Variants in LRRC7 observed in about 807,000 individuals in gnomAD.
The protein encoded by LRRC7 is leucine rich repeat containing 7.
A neutral mutation model predicts 175.7 loss-of-function variants in LRRC7; 23 were observed. The observed-to-expected ratio is 0.13, with a 90% CI of 0.09 to 0.19. The LOEUF (loss-of-function observed/expected upper bound fraction) is 0.19. Ranked by LOEUF, LRRC7 falls within the 10% of genes least tolerant of loss-of-function variation. The pLI, the probability that LRRC7 is intolerant of heterozygous loss-of-function variation, is 1.00. For missense variants in LRRC7, 1,354 were observed against 1,904.7 expected (o/e 0.71, Z 5.38); for synonymous variants, 685 against 680.9 (o/e 1.01, Z -0.09).
At chr1:69,816,135 AC>A (rs1433001898) in intron 4 of LRRC7, among the ~76,000 whole-genome samples, 6 of 151,702 alleles carry the variant, frequency 4.0e-5, no homozygotes, top group Non-Finnish European at 5.9e-5. Context: ...CCGCCCTCAC[AC>A]CCAGCTCATT....
chr1:69,717,682 A>G (rs552119455), intron 2 of LRRC7, among the ~76,000 whole-genome samples: 5 of 150,986 alleles, frequency 3.3e-5, no homozygotes, highest in Non-Finnish European at 7.4e-5. Flanking sequence ...GTTTATAGAT[A>G]CCTTGATAAT....
chr1:69,885,612 T>C (rs1478192668), intron 7 of LRRC7, among the ~76,000 whole-genome samples: 4 of 131,840 alleles, frequency 3.0e-5, no homozygotes, highest in African/African-American at 9.4e-5. Flanking sequence ...GTGTCTCTAT[T>C]TCCTTCAGTT....
chr1:69,859,764 GA>G (rs1436047448), intron 7 of LRRC7, among the ~76,000 whole-genome samples: 7 of 151,958 alleles, frequency 4.6e-5, no homozygotes, highest in East Asian at 1.9e-4. Context: ...TCAAAATAGT[GA>G]AAAAAAGTTT....
chr1:69,777,295 A>G (rs1280027341), intron 3 of LRRC7, among the ~76,000 whole-genome samples: 1 of 152,124 alleles, frequency 6.6e-6, no homozygotes, highest in South Asian at 2.1e-4. Context: ...GAAGGGAGGG[A>G]TGACATTGTT....
At chr1:69,675,191 T>C (rs563512035) in intron 1 of LRRC7, among the ~76,000 whole-genome samples, 29 of 152,304 alleles carry the variant, frequency 1.9e-4, no homozygotes, top group African/African-American at 6.5e-4. Flanking sequence ...TATCTGCTCA[T>C]GAGTATTCCC....
chr1:69,633,375 A>G (rs1652812983), intron 1 of LRRC7, among the ~76,000 whole-genome samples: 1 of 151,934 alleles, frequency 6.6e-6, no homozygotes, highest in Admixed American at 6.6e-5. Flanking sequence ...TATCTGTCCA[A>G]TTTAAGGTGA....
At chr1:69,569,121 A>G (rs1570210803) in intron 1 of LRRC7, among the ~76,000 whole-genome samples, 1 of 152,002 alleles carries the variant, frequency 6.6e-6, no homozygotes, top group East Asian at 1.9e-4. Context: ...TTGTCTCTTT[A>G]TCTTGGAAGG....
intron 2 of LRRC7, among the ~76,000 whole-genome samples, chr1:69,718,094 G>A (rs1221083119): frequency 1.0e-3 from 81 of 77,504 alleles, no homozygotes; most frequent in African/African-American, 4.6e-3. Flanking sequence ...GAAAAAGAAA[G>A]AGAAGAAAGA....
chr1:70,068,944 T>A (rs900416423), intron 23 of LRRC7, among the ~76,000 whole-genome samples: 2 of 152,186 alleles, frequency 1.3e-5, no homozygotes, highest in Non-Finnish European at 2.9e-5. Context: ...AGAATTCTTA[T>A]TTAAATATTC....
At chr1:69,599,227 T>A (rs1384058626) in intron 1 of LRRC7, among the ~76,000 whole-genome samples, 1 of 152,194 alleles carries the variant, frequency 6.6e-6, no homozygotes, top group African/African-American at 2.4e-5. Context: ...GCCCATTTCT[T>A]TGTGGTACAT....
At chr1:69,911,762 G>T (rs1300979024) in intron 7 of LRRC7, among the ~76,000 whole-genome samples, 2 of 152,118 alleles carry the variant, frequency 1.3e-5, no homozygotes, top group African/African-American at 4.8e-5. Context: ...TGGCTACTTT[G>T]GCAGATTACT....
intron 3 of LRRC7, among the ~76,000 whole-genome samples, chr1:69,770,518 A>T (rs1391735716): frequency 2.0e-5 from 3 of 151,974 alleles, no homozygotes; most frequent in Non-Finnish European, 2.9e-5. Context: ...ATCATTGATT[A>T]TTTTTTTTCC....
chr1:69,980,835 T>G (rs1166538960), intron 9 of LRRC7, among the ~76,000 whole-genome samples: 1 of 152,170 alleles, frequency 6.6e-6, no homozygotes, highest in Non-Finnish European at 1.5e-5. Flanking sequence ...TAGACAATGG[T>G]TTTTATTCAT....
At chr1:69,910,256 G>A (rs1172309976) in intron 7 of LRRC7, among the ~76,000 whole-genome samples, 1 of 152,148 alleles carries the variant, frequency 6.6e-6, no homozygotes, top group African/African-American at 2.4e-5. Flanking sequence ...GAGGAGGAGA[G>A]GTGCTCTGCT....
At chr1:69,991,558 A>G (rs1301297690) in intron 10 of LRRC7, among the ~76,000 whole-genome samples, 3 of 152,124 alleles carry the variant, frequency 2.0e-5, no homozygotes, top group African/African-American at 7.2e-5. Flanking sequence ...GTCAAAATAA[A>G]TATCTGGAAT....
intron 18 of LRRC7, among the ~76,000 whole-genome samples, chr1:70,031,765 A>C (rs937158239): frequency 1.3e-5 from 2 of 151,638 alleles, no homozygotes; most frequent in Non-Finnish European, 2.9e-5. Flanking sequence ...AGCAACCACC[A>C]AAAACCCAGC....
intron 7 of LRRC7, among the ~76,000 whole-genome samples, chr1:69,849,859 C>A (rs1053032071): frequency 5.9e-5 from 9 of 152,058 alleles, no homozygotes; most frequent in African/African-American, 2.2e-4. Flanking sequence ...GATCATGTAC[C>A]TAATAGGTGT....
At chr1:70,064,639 T>TTTGTTGTTG (rs60880306) in intron 23 of LRRC7, among the ~76,000 whole-genome samples, 1,988 of 151,106 alleles carry the variant, frequency 0.013, 46 homozygotes, top group African/African-American at 0.043. Flanking sequence ...TGCTTGGTAT[T>TTTGTTGTTG]TTGTTGTTGT....
chr1:70,116,929 C>G (rs1665900936), intron 26 of LRRC7, among the ~76,000 whole-genome samples: 1 of 152,154 alleles, frequency 6.6e-6, no homozygotes, highest in Non-Finnish European at 1.5e-5. Flanking sequence ...ACCTGGCAAT[C>G]ATCATTGAAC....
Sources: allele counts gnomAD v4.1 joint callset (sites outside exome capture counted in the v4.1 genomes callset), GRCh38; gene constraint gnomAD v4.1.1; transcripts MANE v1.5; gene names NCBI Gene and HGNC (gene_info 2026-07-23, HGNC 2026-07-21).